The following RBFOX1 variants were observed in gnomAD, a reference collection of about 807,000 sequenced individuals.
RBFOX1 encodes RNA binding fox-1 homolog 1, also known as RNA binding protein fox-1 homolog 1.
RBFOX1 carries 8 observed loss-of-function variants against 57.7 expected under a neutral mutation model. That is an observed-to-expected ratio of 0.14 (90% CI 0.08 to 0.25). The LOEUF is 0.25. RBFOX1 is among the 10% of genes least tolerant of loss of function. The probability of loss-of-function intolerance (pLI) is 1.00; values close to 1 mark genes in which losing one functional copy is unlikely to be tolerated. For synonymous variants in RBFOX1, 326 were observed against 222.4 expected (o/e 1.47, Z -4.15); for missense variants, 611 against 548.5 (o/e 1.11, Z -1.14).
intron 2 of RBFOX1, among the ~76,000 whole-genome samples, chr16:6,451,524 G>A (rs146241236): frequency 6.5e-4 from 99 of 152,238 alleles, no homozygotes; most frequent in South Asian, 4.1e-3. Flanking sequence ...CCTCCTGGGC[G>A]TGACTTCCCC....
At chr16:7,525,409 A>G (rs1567666683) in intron 5 of RBFOX1, among the ~76,000 whole-genome samples, 1 of 152,132 alleles carries the variant, frequency 6.6e-6, no homozygotes, top group Non-Finnish European at 1.5e-5. Context: ...GTACAGAGCT[A>G]GGTACAAAGA....
rs555132592 is a variant in RBFOX1 at position 6,179,460 on chromosome 16, T to C, written c.-126-137535T>C. ...TGGAGACCTGACCCCATGTTGGGACTCTCTGATGCCTTGAACATAGATCAT... is the reference window on the plus strand; with the variant it reads ...TGGAGACCTGACCCCATGTTGGGACCCTCTGATGCCTTGAACATAGATCAT... On this transcript the variant is annotated intron_variant, in intron 1 of 15. Transcript: ENST00000550418. Among the ~76,000 whole-genome samples, 6 of 152,280 alleles carry C rather than the reference T, an allele frequency of 3.9e-5. No homozygotes were observed. In the East Asian group the frequency reaches 1.2e-3, roughly 29 times the overall value.
chr16:7,651,726 G>A (rs937399624), intron 11 of RBFOX1, among the ~76,000 whole-genome samples: 1 of 152,208 alleles, frequency 6.6e-6, no homozygotes, highest in East Asian at 1.9e-4. Flanking sequence ...TCTGCAGAAA[G>A]CCTGGAAAAG....
chr16:6,270,852 C>G (rs935336122), intron 1 of RBFOX1, among the ~76,000 whole-genome samples: 2 of 152,040 alleles, frequency 1.3e-5, no homozygotes, highest in African/African-American at 4.8e-5. Flanking sequence ...GATACAGTGA[C>G]CACAATGGAA....
chr16:5,297,140 C>G (rs1037929944), intron 1 of RBFOX1, among the ~76,000 whole-genome samples: 4 of 152,152 alleles, frequency 2.6e-5, no homozygotes, highest in Non-Finnish European at 5.9e-5. Flanking sequence ...TGTATATATT[C>G]CTTATCCATT....
intron 4 of RBFOX1, among the ~76,000 whole-genome samples, chr16:7,403,566 C>CA (rs1395468674): frequency 6.9e-6 from 1 of 144,658 alleles, no homozygotes; most frequent in East Asian, 2.2e-4. Flanking sequence ...AGAGAATCCC[C>CA]CCCCCCCCAC....
At chr16:6,552,381 G>C (rs2097008063) in intron 2 of RBFOX1, among the ~76,000 whole-genome samples, 3 of 152,108 alleles carry the variant, frequency 2.0e-5, no homozygotes, top group Non-Finnish European at 4.4e-5. Flanking sequence ...TGACTCCTTG[G>C]GCTAGTCTCT....
intron 4 of RBFOX1, among the ~76,000 whole-genome samples, chr16:7,504,757 A>ATT (rs2072492989): frequency 6.4e-4 from 6 of 9,388 alleles, no homozygotes; most frequent in African/African-American, 1.4e-3. Flanking sequence ...ATATATATTT[A>ATT]TATATATATA....
chr16:7,396,255 C>T (rs1039908928), intron 4 of RBFOX1, among the ~76,000 whole-genome samples: 3 of 152,194 alleles, frequency 2.0e-5, no homozygotes, highest in Non-Finnish European at 4.4e-5. Context: ...CCTGTCTACA[C>T]CGGCTGCTCC....
At chr16:7,043,606 G>A (rs921922334) in intron 3 of RBFOX1, among the ~76,000 whole-genome samples, 2 of 152,224 alleles carry the variant, frequency 1.3e-5, no homozygotes, top group African/African-American at 4.8e-5. Flanking sequence ...TGAGTTCTAT[G>A]CTGGTAAACT....
chr16:6,653,827 G>A (rs879257215), intron 2 of RBFOX1, among the ~76,000 whole-genome samples: 4 of 151,720 alleles, frequency 2.6e-5, no homozygotes, highest in South Asian at 2.1e-4. Flanking sequence ...GGAGAAGGAT[G>A]CAGGATAGAT....
chr16:5,789,981 C>T (rs2054634215), intron 3 of RBFOX1, among the ~76,000 whole-genome samples: 1 of 152,196 alleles, frequency 6.6e-6, no homozygotes, highest in Non-Finnish European at 1.5e-5. Flanking sequence ...TCACGGGCTT[C>T]ATGCAGGAAA....
At chr16:7,028,981 C>G (rs1264830961) in intron 3 of RBFOX1, among the ~76,000 whole-genome samples, 2 of 142,294 alleles carry the variant, frequency 1.4e-5, no homozygotes, top group African/African-American at 2.6e-5. Flanking sequence ...TTTGGAAGAC[C>G]AATCTCCAGA....
chr16:7,125,706 A>G (rs1373376373), intron 4 of RBFOX1, among the ~76,000 whole-genome samples: 1 of 151,178 alleles, frequency 6.6e-6, no homozygotes, highest in African/African-American at 2.4e-5. Context: ...TTTTTTTTTT[A>G]GACAGATGCC....
chr16:6,656,872 T>G (rs946483882), intron 3 of RBFOX1, among the ~76,000 whole-genome samples: 4 of 143,176 alleles, frequency 2.8e-5, no homozygotes, highest in African/African-American at 1.1e-4. Context: ...TTAAACAAGG[T>G]AACTCCTCTC....
At chr16:6,745,490 C>G (rs983348287) in intron 3 of RBFOX1, among the ~76,000 whole-genome samples, 3 of 152,068 alleles carry the variant, frequency 2.0e-5, no homozygotes, top group Non-Finnish European at 2.9e-5. Context: ...GAAAAGATGC[C>G]TTAACATTTG....
At chr16:6,322,232 G>A (rs2081892128) in intron 2 of RBFOX1, among the ~76,000 whole-genome samples, 1 of 152,098 alleles carries the variant, frequency 6.6e-6, no homozygotes, top group Non-Finnish European at 1.5e-5. Flanking sequence ...CCTTCCCTTG[G>A]ATCCCAGCCA....
At chr16:7,683,237 T>G (rs7186439) in intron 14 of RBFOX1, among the ~76,000 whole-genome samples, 2 of 149,114 alleles carry the variant, frequency 1.3e-5, no homozygotes, top group South Asian at 4.4e-4. Context: ...TTTATGCATG[T>G]CAAGCTCTCA....
intron 4 of RBFOX1, among the ~76,000 whole-genome samples, chr16:7,473,186 C>G (rs988355654): frequency 6.6e-6 from 1 of 151,970 alleles, no homozygotes; most frequent in Non-Finnish European, 1.5e-5. Flanking sequence ...TGAGACCAGC[C>G]TGGGAGCATG....
Sources: allele counts gnomAD v4.1 joint callset (sites outside exome capture counted in the v4.1 genomes callset), GRCh38; gene constraint gnomAD v4.1.1; transcripts MANE v1.5; gene names NCBI Gene and HGNC (gene_info 2026-07-23, HGNC 2026-07-21).